The following IL21R variants were observed in gnomAD, a reference collection of about 807,000 sequenced individuals.
IL21R encodes interleukin-21 receptor.
In IL21R, 14 loss-of-function variants were observed where a neutral mutation model predicts 41.3. That is an observed-to-expected ratio of 0.34 (90% CI 0.22 to 0.53). The LOEUF is 0.53. IL21R is among the 20% of genes least tolerant of loss of function. The pLI is 0.94. For missense variants in IL21R, 588 were observed against 681.6 expected (o/e 0.86, Z 1.53); for synonymous variants, 286 against 287.6 (o/e 0.99, Z 0.05).
intron 2 of IL21R, among the ~76,000 whole-genome samples, chr16:27,431,787 A>G (rs1394400858): frequency 1.3e-5 from 2 of 151,976 alleles, no homozygotes; most frequent in Non-Finnish European, 2.9e-5. Flanking sequence ...AGCAGCTGGG[A>G]TAACAGGCAC....
At chr16:27,403,308 A>T (rs1017626906) in intron 1 of IL21R, 10 of 1,246,206 alleles carry the variant, frequency 8.0e-6, no homozygotes, top group Non-Finnish European at 1.1e-5. Context: ...ATGGGAAAGG[A>T]AGAACATTCC....
chr16:27,443,463 G>A (rs1389030344), intron 5 of IL21R, among the ~76,000 whole-genome samples: 1 of 152,102 alleles, frequency 6.6e-6, no homozygotes, highest in Non-Finnish European at 1.5e-5. Flanking sequence ...AATGGCCATA[G>A]TTGGAGAGTT....
At chr16:27,434,472 T>C in intron 3 of IL21R, 23 bp downstream of exon 3, 2 of 1,479,940 alleles carry the variant, frequency 1.4e-6, no homozygotes, top group East Asian at 2.3e-5. Context: ...GCCTCACCAG[T>C]CCCCGGGGAT....
intron 1 of IL21R, among the ~76,000 whole-genome samples, chr16:27,418,986 G>C (rs2086953182): frequency 6.6e-6 from 1 of 151,968 alleles, no homozygotes; most frequent in Non-Finnish European, 1.5e-5. Flanking sequence ...AGGCCAAGGA[G>C]GGCGGATCGC....
intron 1 of IL21R, among the ~76,000 whole-genome samples, chr16:27,427,729 C>T (rs1288393010): frequency 1.3e-5 from 2 of 152,198 alleles, no homozygotes; most frequent in Admixed American, 6.5e-5. Context: ...AGGACTCGCA[C>T]CGTGGCTGGG....
intron 1 of IL21R, among the ~76,000 whole-genome samples, chr16:27,422,291 T>C (rs1403709624): frequency 6.6e-6 from 1 of 152,100 alleles, no homozygotes; most frequent in Non-Finnish European, 1.5e-5. Flanking sequence ...TATTTGTGGT[T>C]TGTAGAGCTA....
chr16:27,437,327 T>C (rs1205718359), intron 3 of IL21R, among the ~76,000 whole-genome samples, 161 bp from the exon 4 acceptor site: 2 of 152,102 alleles, frequency 1.3e-5, no homozygotes, highest in African/African-American at 2.4e-5. Flanking sequence ...ATACCTTCCC[T>C]GGGAAAAGGT....
intron 1 of IL21R, among the ~76,000 whole-genome samples, chr16:27,420,849 T>A (rs2086988896): frequency 6.6e-6 from 1 of 152,252 alleles, no homozygotes; most frequent in African/African-American, 2.4e-5. Flanking sequence ...TGTTTACTTA[T>A]GCTTTTGTGT....
At chr16:27,407,553 C>T (rs771850908) in intron 1 of IL21R, among the ~76,000 whole-genome samples, 4 of 152,186 alleles carry the variant, frequency 2.6e-5, no homozygotes, top group Admixed American at 6.5e-5. Flanking sequence ...CGGCCAGGTG[C>T]GGTGGCTCAT....
chr16:27,403,198 A>T (rs1423423623), intron 1 of IL21R: 1 of 1,342,676 alleles, frequency 7.4e-7, no homozygotes, highest in Non-Finnish European at 9.8e-7. Flanking sequence ...CTTTCTCATG[A>T]AGCACGGGGA....
intron 1 of IL21R, among the ~76,000 whole-genome samples, chr16:27,415,982 C>T (rs1297189120): frequency 6.6e-6 from 1 of 152,150 alleles, no homozygotes; most frequent in Non-Finnish European, 1.5e-5. Flanking sequence ...TCCTCTTGTA[C>T]AATTTGAAGT....
intron 1 of IL21R, among the ~76,000 whole-genome samples, chr16:27,423,212 G>C (rs7199138): frequency 0.36 from 54,191 of 150,298 alleles, 10,042 homozygotes; most frequent in East Asian, 0.51. Flanking sequence ...TACTATATAA[G>C]TTGGCACTCT....
intron 1 of IL21R, among the ~76,000 whole-genome samples, chr16:27,429,593 A>C (rs2087133773): frequency 6.6e-6 from 1 of 151,720 alleles, no homozygotes; most frequent in African/African-American, 2.4e-5. Flanking sequence ...GCAACATAGC[A>C]AGATGCCGTC....
intron 1 of IL21R, among the ~76,000 whole-genome samples, chr16:27,406,944 G>A (rs1194471486): frequency 6.6e-6 from 1 of 152,182 alleles, no homozygotes; most frequent in East Asian, 1.9e-4. Flanking sequence ...CTTGCTGTGT[G>A]ACCCTGGGCA....
intron 3 of IL21R, among the ~76,000 whole-genome samples, chr16:27,435,993 G>A (rs1370905513): frequency 1.3e-5 from 2 of 151,986 alleles, no homozygotes; most frequent in Admixed American, 6.5e-5. Context: ...ACCTGGTCTC[G>A]AACTCCTGGC....
intron 4 of IL21R, among the ~76,000 whole-genome samples, chr16:27,442,275 G>C (rs1015556042): frequency 6.6e-6 from 1 of 152,046 alleles, no homozygotes; most frequent in Non-Finnish European, 1.5e-5. Context: ...CGTGTGTGTA[G>C]GCATGTGCGT....
chr16:27,439,499 C>G (rs1280454636), intron 4 of IL21R, among the ~76,000 whole-genome samples: 1 of 151,818 alleles, frequency 6.6e-6, no homozygotes, highest in Non-Finnish European at 1.5e-5. Context: ...CATGCACACA[C>G]ATATACACTT....
chr16:27,404,834 A>G (rs575810764), intron 1 of IL21R, among the ~76,000 whole-genome samples: 1 of 152,246 alleles, frequency 6.6e-6, no homozygotes, highest in African/African-American at 2.4e-5. Flanking sequence ...GAGTGGAAAT[A>G]GGAATAAGAA....
chr16:27,445,404 C>T (rs1209818314), intron 7 of IL21R, 128 bp downstream of exon 7: 5 of 679,230 alleles, frequency 7.4e-6, no homozygotes, highest in Non-Finnish European at 1.3e-5. Context: ...TAATAACCAA[C>T]TCACAGCCAC....
Sources: allele counts gnomAD v4.1 joint callset (sites outside exome capture counted in the v4.1 genomes callset), GRCh38; gene constraint gnomAD v4.1.1; transcripts MANE v1.5; gene names NCBI Gene and HGNC (gene_info 2026-07-23, HGNC 2026-07-21).